SUPT20HL1: variants seen among roughly 807,000 people sequenced by gnomAD.
The protein encoded by SUPT20HL1 is transcription factor SPT20 homolog-like 1.
For missense variants in SUPT20HL1, 277 were observed against 200.3 expected (o/e 1.38, Z -2.31); for synonymous variants, 133 against 79.2 (o/e 1.68, Z -3.61).
Position 24,362,519 on chromosome X carries a change from C to G in SUPT20HL1, c.-242C>G, listed in dbSNP as rs1420479331. ...CCTCCCGCTCACTTCCGTTCCAGGC[C>G]GCAGAGACGCGAAGTCCGGCCACGA... On this transcript the variant is annotated 5_prime_UTR_variant, in exon 1 of 1. Transcript: ENST00000686983. Among the ~76,000 whole-genome samples, 1 of 105,201 alleles carries G rather than the reference C, an allele frequency of 9.5e-6. No homozygotes were observed. The highest frequency in any genetic ancestry group is 1.9e-5 in the Non-Finnish European group (1 of 51,448). 91.4% of individuals were successfully genotyped at this position (105,201 alleles called of 115,157 possible). A position where few individuals can be genotyped will look rare whatever the true frequency, so the allele number is the denominator to read the frequency against.
In SUPT20HL1 at chrX:24,366,225, G is replaced by A. The variant is rs1939483636; in HGVS notation, c.*801G>A. ...CATAATATATATGAAAGTGACTTAT[G>A]AATTCTGAGAAACCTCTTTCAGAAG... On this transcript the variant is annotated 3_prime_UTR_variant, in exon 1 of 1. Transcript: ENST00000686983. Among the ~76,000 whole-genome samples, 1 of 111,677 alleles carries A rather than the reference G, an allele frequency of 9.0e-6. No homozygotes were observed.
Position 24,361,875 on chromosome X carries a change from C to G in SUPT20HL1, c.-886C>G, listed in dbSNP as rs777919636. On this transcript the variant is annotated 5_prime_UTR_variant, in exon 1 of 1. Transcript: ENST00000686983. ...CCCCAGGCGGGAGCTCACTCGACGA[C>G]GACAGGAAGAATCCTGATGCTTGCC... 1.6e-4 allele frequency among the ~76,000 whole-genome samples: 18 copies of G among 112,189 alleles called. No individual in the cohort carries two copies. Among genetic ancestry groups the G allele is most frequent in the Middle Eastern group, 9.1e-3 (2 of 219 alleles).
rs762401096 is a variant in SUPT20HL1, at chrX:24,364,384, GCTGCTC to G, written c.1641_1646del (p.Pro548_Ala549del). On this transcript the variant is annotated inframe_deletion, in exon 1 of 1. Transcript: ENST00000686983. ...TGCTGCTCCTGCTCTAGCTGCTGCT[GCTGCTC>G]CTGCTCCTGCTCCTGCCGCTGCTCC... 2.4e-4 allele frequency: 153 copies of G among 630,009 alleles called. No homozygotes were observed. Among genetic ancestry groups the G allele is most frequent in the Admixed American group, 8.9e-4 (33 of 37,092 alleles). 51.9% of individuals were successfully genotyped at this position (630,009 alleles called of 1,213,427 possible). A position where few individuals can be genotyped will look rare whatever the true frequency, so the allele number is the denominator to read the frequency against.
Position 24,364,591 on chromosome X carries a change from A to T in SUPT20HL1, c.1831A>T (p.Ile611Phe), listed in dbSNP as rs767677070. The change falls in exon 1 of 1, where the codon ATC (isoleucine) becomes TTC (phenylalanine). Residue 611 changes from isoleucine (I) to phenylalanine (F), a missense_variant. By Grantham distance (21) the Ile-to-Phe change is conservative. Coordinates refer to ENST00000686983, the MANE Select transcript of SUPT20HL1 (RefSeq NM_001136234.3). ...LRTGSTGLKA[I>F]NVEGPVQGAQ... ...GACAGGCTCCACTGGCCTAAAGGCC[A>T]TCAATGTGGAGGGCCCAGTCCAGGG... 1 of 525,103 alleles carries T rather than the reference A, an allele frequency of 1.9e-6. No individual in the cohort carries two copies. Among genetic ancestry groups the T allele is most frequent in the Non-Finnish European group, 3.5e-6 (1 of 281,805 alleles). 43.3% of individuals were successfully genotyped at this position (525,103 alleles called of 1,213,427 possible).
rs781179074 is a variant in SUPT20HL1 at position 24,361,632 on chromosome X, C to T, written c.-1129C>T. Among the ~76,000 whole-genome samples, 14 of 111,880 alleles carry T rather than the reference C, an allele frequency of 1.3e-4. No individual in the cohort carries two copies. Among genetic ancestry groups the T allele is most frequent in the Non-Finnish European group, 9.4e-5 (5 of 53,207 alleles). On this transcript the variant is annotated 5_prime_UTR_variant, in exon 1 of 1. Transcript: ENST00000686983. ...CTAATCATTGAAAATTTATTGCCAT[C>T]ACCTGGAACAATTGTTCTCGTCCTT... is the stretch of plus-strand genomic sequence containing the variant.
rs370418088 is a variant in SUPT20HL1 at position 24,364,527 on chromosome X, C to A, written c.1767C>A (p.Pro589=). ...ASRPCPAAQP[P]TKFIKIAPAI... ...GGCCCTGTCCAGCTGCCCAGCCCCC[C>A]ACCAAATTCATAAAAATAGCGCCAG... Residue 589 remains proline (P), a synonymous_variant, in exon 1 of 1, where the codon CCC becomes CCA. Transcript: ENST00000686983. 7.7e-5 allele frequency: 43 copies of A among 556,219 alleles called. No individual in the cohort carries two copies. The highest frequency in any genetic ancestry group is 1.3e-4 in the Non-Finnish European group (39 of 301,496). The allele number at this position is 556,219 out of a possible 1,213,427, so 45.8% of individuals were successfully genotyped here.
Position 24,367,087 on chromosome X carries a change from G to A in SUPT20HL1, c.*1663G>A, listed in dbSNP as rs1939489347. Among the ~76,000 whole-genome samples, 1 of 111,226 alleles carries A rather than the reference G, an allele frequency of 9.0e-6. No homozygotes were observed. The highest frequency in any genetic ancestry group is 1.9e-5 in the Non-Finnish European group (1 of 53,175). On this transcript the variant is annotated 3_prime_UTR_variant, in exon 1 of 1. Transcript: ENST00000686983. ...TACAGTATGTGATCTTTTGTGTCTG[G>A]CCTCTTTCACTCGGCATAATGTTTT...
rs13440994 is a variant in SUPT20HL1, at chrX:24,360,933, G to T, written c.-1828G>T. Among the ~76,000 whole-genome samples, 29,687 of 111,110 alleles carry T rather than the reference G, an allele frequency of 0.27. 4,258 individuals carry two copies. Among genetic ancestry groups the T allele is most frequent in the African/African-American group, 0.55 (16,773 of 30,370 alleles). On this transcript the variant is annotated 5_prime_UTR_variant, in exon 1 of 1. Transcript: ENST00000686983. ...CTGAGGGCATCCTCGAGCCAAATCA[G>T]CATGGGTGGCCCCTGTATGTGGCAA...
rs1158503762 is a variant in SUPT20HL1 at position 24,361,509 on chromosome X, C to T, written c.-1252C>T. Among the ~76,000 whole-genome samples the T allele has an allele frequency of 8.9e-6, 1 of 112,206 alleles. No individual in the cohort carries two copies. The highest frequency in any genetic ancestry group is 1.9e-5 in the Non-Finnish European group (1 of 53,300). On this transcript the variant is annotated 5_prime_UTR_variant, in exon 1 of 1. Coordinates refer to ENST00000686983, the MANE Select transcript of SUPT20HL1 (RefSeq NM_001136234.3). ...AACAAACTGGGAGATTTCAAGGCAA[C>T]AAAGTTAATGGAAAACAATGTCCCA...
chrX:24,360,951 T>C lies in SUPT20HL1; in HGVS notation c.-1810T>C, dbSNP rs1009768817. ...CAAATCAGCATGGGTGGCCCCTGTA[T>C]GTGGCAACCAGAAGTGTCAGGGAAT... On this transcript the variant is annotated 5_prime_UTR_variant, in exon 1 of 1. It removes an upstream start codon present in the reference 5' UTR. Coordinates refer to ENST00000686983, the MANE Select transcript of SUPT20HL1 (RefSeq NM_001136234.3). Among the ~76,000 whole-genome samples, 5 of 112,054 alleles carry C rather than the reference T, an allele frequency of 4.5e-5. No homozygotes were observed. Among genetic ancestry groups the C allele is most frequent in the Admixed American group, 2.8e-4 (3 of 10,627 alleles).
chrX:24,364,743 T>C lies in SUPT20HL1; in HGVS notation c.1983T>C (p.Gly661=), dbSNP rs779552158. 2.5e-6 allele frequency: 1 copy of C among 405,334 alleles called. No homozygotes were observed. Among genetic ancestry groups the C allele is most frequent in the Admixed American group, 2.5e-5 (1 of 40,262 alleles). 33.4% of individuals were successfully genotyped at this position (405,334 alleles called of 1,213,427 possible). ...SGGPLPDARP[G]AVQASSPAPL... The stretch of plus-strand genomic sequence containing the variant: ...GTCCACTACCAGATGCAAGGCCCGG[T>C]GCAGTGCAGGCATCTTCTCCAGCAC... Residue 661 remains glycine, a synonymous_variant, in exon 1 of 1, where the codon GGT becomes GGC. Coordinates refer to ENST00000686983, the MANE Select transcript of SUPT20HL1 (RefSeq NM_001136234.3).
rs1397322001 is a variant in SUPT20HL1, at chrX:24,361,662, G to C, written c.-1099G>C. 1.8e-5 allele frequency among the ~76,000 whole-genome samples: 2 copies of C among 111,817 alleles called. No homozygotes were observed. Among genetic ancestry groups the C allele is most frequent in the Admixed American group, 1.9e-4 (2 of 10,561 alleles). ...GGAACAATTGTTCTCGTCCTTATCA[G>C]GTGCAAATCACCTTGTAGAAATGAA... is the stretch of plus-strand genomic sequence containing the variant. On this transcript the variant is annotated 5_prime_UTR_variant, in exon 1 of 1. Coordinates refer to ENST00000686983, the MANE Select transcript of SUPT20HL1 (RefSeq NM_001136234.3).
chrX:24,364,125 G>T lies in SUPT20HL1; in HGVS notation c.1365G>T (p.Gly455=). The change falls in exon 1 of 1, where the codon GGG becomes GGT. Residue 455 remains glycine (G), a synonymous_variant. Coordinates refer to ENST00000686983, the MANE Select transcript of SUPT20HL1 (RefSeq NM_001136234.3). ...DPVWVQSSVS[G]KGEKHPPPRT... ...TGTGGGTCCAGTCTTCAGTATCGGG[G>T]AAGGGAGAGAAACATCCACCTCCCC... 1.7e-6 allele frequency: 1 copy of T among 583,368 alleles called. No homozygotes were observed. The highest frequency in any genetic ancestry group is 3.1e-6 in the Non-Finnish European group (1 of 323,572). 48.1% of individuals were successfully genotyped at this position (583,368 alleles called of 1,213,427 possible).
Position 24,364,382 on chromosome X carries a change from C to A in SUPT20HL1, c.1622C>A (p.Ala541Asp). Residue 541 changes from alanine to aspartate, a missense_variant, in exon 1 of 1, where the codon GCT (alanine) becomes GAT (aspartate). By Grantham distance (126) the Ala-to-Asp change is moderately radical (BLOSUM62 -2). Coordinates refer to ENST00000686983, the MANE Select transcript of SUPT20HL1 (RefSeq NM_001136234.3). ...AAAAAPALAA[A>D]AAPAPAPAAA... ...GCTGCTGCTCCTGCTCTAGCTGCTGCTGCTGCTCCTGCTCCTGCTCCTGCC... is the reference window on the plus strand; with the variant it reads ...GCTGCTGCTCCTGCTCTAGCTGCTGATGCTGCTCCTGCTCCTGCTCCTGCC... 1.6e-6 allele frequency: 1 copy of A among 631,514 alleles called. No homozygotes were observed. 52.0% of individuals were successfully genotyped at this position (631,514 alleles called of 1,213,427 possible).
rs1569203598 is a variant in SUPT20HL1 at position 24,364,310 on chromosome X, C to T, written c.1550C>T (p.Ala517Val). The T allele has an allele frequency of 1.2e-6, 1 of 810,344 alleles. No homozygotes were observed. The highest frequency in any genetic ancestry group is 1.7e-6 in the Non-Finnish European group (1 of 596,341). The allele number at this position is 810,344 out of a possible 1,213,427, so 66.8% of individuals were successfully genotyped here. The change falls in exon 1 of 1, where the codon GCT (alanine) becomes GTT (valine). Residue 517 changes from alanine to valine, a missense_variant. By Grantham distance (64) the Ala-to-Val change is moderately conservative. Transcript: ENST00000686983. ...GCTGCTGCTGCTGCTGCTGCTGCTGCTCCTGCTCCTGCTCTAGCTGCTGCT... is the reference window on the plus strand; with the variant it reads ...GCTGCTGCTGCTGCTGCTGCTGCTGTTCCTGCTCCTGCTCTAGCTGCTGCT... ...AAAAAAAAAA[A>V]PAPALAAAAA...
chrX:24,365,475 A>T lies in SUPT20HL1; in HGVS notation c.*51A>T, dbSNP rs767307508. On this transcript the variant is annotated 3_prime_UTR_variant, in exon 1 of 1. Coordinates refer to ENST00000686983, the MANE Select transcript of SUPT20HL1 (RefSeq NM_001136234.3). ...TAAAAGCACAGGAGCATTGACTCAA[A>T]TGATTTCCCAGTTTTTACTTGAGTT... The T allele has an allele frequency of 3.1e-5, 10 of 326,295 alleles. No homozygotes were observed. The Admixed American group carries it at 3.2e-4, about 11-fold the overall frequency. 26.9% of individuals were successfully genotyped at this position (326,295 alleles called of 1,213,427 possible). A position where few individuals can be genotyped will look rare whatever the true frequency, so the allele number is the denominator to read the frequency against.
Position 24,362,543 on chromosome X carries a change from G to A in SUPT20HL1, c.-218G>A, listed in dbSNP as rs1471185812. ...CCGCAGAGACGCGAAGTCCGGCCAC[G>A]ACGACGACCCCTCAGGTACCCATGT... is the stretch of plus-strand genomic sequence containing the variant. On this transcript the variant is annotated 5_prime_UTR_variant, in exon 1 of 1. Transcript: ENST00000686983. 2.7e-5 allele frequency among the ~76,000 whole-genome samples: 3 copies of A among 111,642 alleles called. No homozygotes were observed. Among genetic ancestry groups the A allele is most frequent in the Non-Finnish European group, 5.7e-5 (3 of 53,052 alleles).
chrX:24,360,894 A>G lies in SUPT20HL1; in HGVS notation c.-1867A>G, dbSNP rs1939422923. ...ACACAGACAGAGTATTACCGCAAGC[A>G]CCTGTGACTTTGTCTGAGGGCATCC... On this transcript the variant is annotated 5_prime_UTR_variant, in exon 1 of 1. Coordinates refer to ENST00000686983, the MANE Select transcript of SUPT20HL1 (RefSeq NM_001136234.3). Among the ~76,000 whole-genome samples, 1 of 111,778 alleles carries G rather than the reference A, an allele frequency of 8.9e-6. No individual in the cohort carries two copies. Among genetic ancestry groups the G allele is most frequent in the African/African-American group, 3.3e-5 (1 of 30,682 alleles).
chrX:24,366,460 G>A lies in SUPT20HL1; in HGVS notation c.*1036G>A, dbSNP rs1216629080. On this transcript the variant is annotated 3_prime_UTR_variant, in exon 1 of 1. Coordinates refer to ENST00000686983, the MANE Select transcript of SUPT20HL1 (RefSeq NM_001136234.3). ...TGTGACAGTCCCCTGCCCTTTCAAAGGCCCTGTCTGCACCTAGTGCTCCAC... is the reference window on the plus strand; with the variant it reads ...TGTGACAGTCCCCTGCCCTTTCAAAAGCCCTGTCTGCACCTAGTGCTCCAC... 8.9e-6 allele frequency among the ~76,000 whole-genome samples: 1 copy of A among 112,100 alleles called. No individual in the cohort carries two copies. The highest frequency in any genetic ancestry group is 3.2e-5 in the African/African-American group (1 of 30,859).
Sources: allele counts gnomAD v4.1 joint callset (sites outside exome capture counted in the v4.1 genomes callset), GRCh38; gene constraint gnomAD v4.1.1; transcripts MANE v1.5; gene names NCBI Gene and HGNC (gene_info 2026-07-23, HGNC 2026-07-21).